The following CRAMP1 variants were observed in gnomAD, a reference collection of about 807,000 sequenced individuals.
The protein encoded by CRAMP1 is cramped chromatin regulator 1.
CRAMP1 carries 50 observed loss-of-function variants against 115.4 expected under a neutral mutation model. The ratio of observed to expected loss-of-function variants is 0.43; its 90% CI spans 0.35 to 0.55. The LOEUF is 0.55. Ranked by LOEUF, CRAMP1 falls within the 20% of genes least tolerant of loss-of-function variation. The probability of loss-of-function intolerance (pLI) is 0.01; values close to 1 mark genes in which losing one functional copy is unlikely to be tolerated. For missense variants in CRAMP1, 1,679 were observed against 1,721.7 expected (o/e 0.98, Z 0.44); for synonymous variants, 866 against 745.4 (o/e 1.16, Z -2.64).
At chr16:1,639,821 T>C (rs1596487714) in intron 5 of CRAMP1, among the ~76,000 whole-genome samples, 2 of 152,258 alleles carry the variant, frequency 1.3e-5, no homozygotes. Context: ...GTGTGGAAAG[T>C]TGGGGTTTTC....
chr16:1,647,461 C>T (rs1170910512), intron 6 of CRAMP1, among the ~76,000 whole-genome samples: 1 of 152,100 alleles, frequency 6.6e-6, no homozygotes, highest in African/African-American at 2.4e-5. Context: ...TGCTATTCAC[C>T]TAGGCGTGGT....
intron 20 of CRAMP1, among the ~76,000 whole-genome samples, chr16:1,673,668 C>T (rs765104202): frequency 3.3e-5 from 5 of 152,232 alleles, no homozygotes; most frequent in Non-Finnish European, 7.3e-5. Context: ...ATGTGCCAGG[C>T]ACATCATAGG....
chr16:1,636,106 C>G (rs1263951709), intron 4 of CRAMP1, among the ~76,000 whole-genome samples: 1 of 152,198 alleles, frequency 6.6e-6, no homozygotes, highest in South Asian at 2.1e-4. Context: ...CGTGGTGGCT[C>G]ACGCCTGTAA....
At chr16:1,643,581 G>GAGGGAAGGGCAAGAAGC (rs2036650504) in intron 6 of CRAMP1, among the ~76,000 whole-genome samples, 1 of 151,908 alleles carries the variant, frequency 6.6e-6, no homozygotes, top group African/African-American at 2.4e-5. Context: ...TGGTTCTGCC[G>GAGGGAAGGGCAAGAAGC]AGGGAAGGGC....
At chr16:1,652,602 C>T (rs759148260) in intron 7 of CRAMP1, 21 bp downstream of exon 7, 34 of 1,548,050 alleles carry the variant, frequency 2.2e-5, no homozygotes, top group African/African-American at 1.4e-4. Context: ...GGGGCGCTCC[C>T]GGGACCAGAG....
In CRAMP1 at chr16:1,660,974, A is replaced by T. The variant is rs1459361198; in HGVS notation, c.2413+911A>T. Among the ~76,000 whole-genome samples, 6 of 152,040 alleles carry T rather than the reference A, an allele frequency of 3.9e-5. No individual in the cohort carries two copies. The South Asian group carries it at 1.2e-3, about 32-fold the overall frequency. ...CAATAAGCCAAGATCGCGCCACTGC[A>T]CTCCAGCTCGGGCAACGGAGCGAGA... is the stretch of plus-strand genomic sequence containing the variant. On this transcript the variant is annotated intron_variant, in intron 11 of 20. Coordinates refer to ENST00000397412, the MANE Select transcript of CRAMP1 (RefSeq NM_020825.4).
chr16:1,651,162 G>A (rs914283510), intron 6 of CRAMP1, among the ~76,000 whole-genome samples: 2 of 151,854 alleles, frequency 1.3e-5, no homozygotes, highest in African/African-American at 4.8e-5. Flanking sequence ...ACGAAAAGGT[G>A]GACTGAGGTC....
In CRAMP1 at chr16:1,662,640, T is replaced by C. The variant is rs2036842516; in HGVS notation, c.2564T>C (p.Leu855Pro). 6.2e-7 allele frequency: 1 copy of C among 1,613,918 alleles called. No individual in the cohort carries two copies. Among genetic ancestry groups the C allele is most frequent in the Non-Finnish European group, 8.5e-7 (1 of 1,179,892 alleles). The change falls in exon 12 of 21, where the codon CTG (leucine) becomes CCG (proline). Residue 855 changes from leucine to proline, a missense_variant. Transcript: ENST00000397412. ...TTCTCTCCCAGTAAAGAAGCAGAGC[T>C]GACTTTCCGCCAGCATCTGAACTCC... The part of the protein sequence containing the change: ...KLFSPSKEAE[L>P]TFRQHLNSIS...
chr16:1,668,282 G>T, intron 18 of CRAMP1, 89 bp downstream of exon 18: 1 of 1,040,178 alleles, frequency 9.6e-7, no homozygotes, highest in Non-Finnish European at 1.5e-6. Flanking sequence ...GGATATTCCA[G>T]TTTTGTGATT....
At position 1,625,995 on chromosome 16, in the gene CRAMP1, G is replaced by A. The variant is rs983386307; in HGVS notation, c.369G>A (p.Ser123=). The A allele has an allele frequency of 2.2e-5, 34 of 1,551,492 alleles. No homozygotes were observed. Among genetic ancestry groups the A allele is most frequent in the Admixed American group, 5.9e-5 (3 of 50,994 alleles). The change falls in exon 3 of 21, where the codon TCG becomes TCA. Residue 123 remains serine (S), a synonymous_variant. Coordinates refer to ENST00000397412, the MANE Select transcript of CRAMP1 (RefSeq NM_020825.4). ...RGKGAEGGGS[S]SGNVSGVAPA... is the part of the protein sequence containing the mutation. ...AAGGAGCTGAAGGTGGTGGATCATCGTCTGGAAATGTGTCTGGGGTTGCCC... is the reference window on the plus strand; with the variant it reads ...AAGGAGCTGAAGGTGGTGGATCATCATCTGGAAATGTGTCTGGGGTTGCCC...
intron 6 of CRAMP1, 81 bp downstream of exon 6, chr16:1,641,268 C>A: frequency 9.8e-7 from 1 of 1,018,776 alleles, no homozygotes; most frequent in South Asian, 1.3e-5. Context: ...CTGAAATGCT[C>A]TCAGTGAGGA....
Position 1,614,985 on chromosome 16 carries a change from G to C in CRAMP1, c.346G>C (p.Gly116Arg). ...NAGGSGPRGK[G>R]AEGGGSSSGN... ...CGGTGGCTCGGGGCCCCGCGGAAAA[G>C]GTAGGGCGGCCCGTCCCCTTGGGAG... The change falls in exon 2 of 21, where the codon GGA becomes CGA. Residue 116 changes from glycine (G) to arginine (R), a missense_variant and splice_region_variant. This residue lies in a region of CRAMP1 where 264 missense variants were observed against 229.7 expected (regional missense o/e 1.15). Coordinates refer to ENST00000397412, the MANE Select transcript of CRAMP1 (RefSeq NM_020825.4). This position sits in a 1 kb window ranked among gnomAD's most constrained non-coding sequence, Gnocchi z 4.4. 8.0e-7 allele frequency: 1 copy of C among 1,251,482 alleles called. No individual in the cohort carries two copies. The highest frequency in any genetic ancestry group is 1.0e-6 in the Non-Finnish European group (1 of 997,162). The allele number at this position is 1,251,482 out of a possible 1,614,324, so 77.5% of individuals were successfully genotyped here. A position where few individuals can be genotyped will look rare whatever the true frequency, so the allele number is the denominator to read the frequency against.
Position 1,656,239 on chromosome 16 carries a change from C to T in CRAMP1, c.1482C>T (p.Ala494=), listed in dbSNP as rs2036772126. The T allele has an allele frequency of 4.4e-6, 7 of 1,609,182 alleles. No individual in the cohort carries two copies. Among genetic ancestry groups the T allele is most frequent in the Non-Finnish European group, 5.9e-6 (7 of 1,179,054 alleles). The change falls in exon 10 of 21, where the codon GCC becomes GCT. Residue 494 remains alanine (A), a synonymous_variant. Transcript: ENST00000397412. This position sits in a 1 kb window ranked among gnomAD's most constrained non-coding sequence, Gnocchi z 5.6. ...QSSGESSPES[A]PGEGAALSLS... is the part of the protein sequence containing the mutation. Reference sequence around the variant, plus strand: ...CCGGAGAGAGTTCCCCCGAAAGCGCCCCCGGGGAGGGGGCTGCCCTAAGCT... The same window carrying T: ...CCGGAGAGAGTTCCCCCGAAAGCGCTCCCGGGGAGGGGGCTGCCCTAAGCT...
chr16:1,623,831 A>G (rs1436966237), intron 2 of CRAMP1, among the ~76,000 whole-genome samples: 1 of 152,228 alleles, frequency 6.6e-6, no homozygotes, highest in African/African-American at 2.4e-5. Context: ...GATTAAGTCC[A>G]GGTTTGGTGA....
Position 1,641,094 on chromosome 16 carries a change from C to T in CRAMP1, c.779-45C>T, listed in dbSNP as rs867782003. The T allele has an allele frequency of 2.6e-5, 36 of 1,381,478 alleles. No homozygotes were observed. In the Middle Eastern group the frequency reaches 7.2e-4, roughly 28 times the overall value. 85.6% of individuals were successfully genotyped at this position (1,381,478 alleles called of 1,614,324 possible). A position where few individuals can be genotyped will look rare whatever the true frequency, so the allele number is the denominator to read the frequency against. On this transcript the variant is annotated intron_variant, in intron 5 of 20. Transcript: ENST00000397412. ...TATGGGAATCTTCAGTGGCTTTGCT[C>T]CTAACTACATTGTGGTCTCATTTAT... is the stretch of plus-strand genomic sequence containing the variant.
rs1361055624 is a variant in CRAMP1, at chr16:1,674,433, G to C, written c.*388G>C. 1.8e-5 allele frequency: 4 copies of C among 220,528 alleles called. No individual in the cohort carries two copies. Among genetic ancestry groups the C allele is most frequent in the Non-Finnish European group, 3.7e-5 (4 of 109,480 alleles). 13.7% of individuals were successfully genotyped at this position (220,528 alleles called of 1,614,324 possible). ...GTGTAGTTGCTGTGCACTAGGAGCT[G>C]TGATCTCCCTCTCTGCAGGGAGGCC... On this transcript the variant is annotated 3_prime_UTR_variant, in exon 21 of 21. Coordinates refer to ENST00000397412, the MANE Select transcript of CRAMP1 (RefSeq NM_020825.4).
chr16:1,626,242 C>T lies in CRAMP1; in HGVS notation c.540+76C>T. 2.3e-6 allele frequency: 3 copies of T among 1,326,852 alleles called. No individual in the cohort carries two copies. In the South Asian group the frequency reaches 4.7e-5, roughly 21 times the overall value. The allele number at this position is 1,326,852 out of a possible 1,614,324, so 82.2% of individuals were successfully genotyped here. A position where few individuals can be genotyped will look rare whatever the true frequency, so the allele number is the denominator to read the frequency against. On this transcript the variant is annotated intron_variant, in intron 3 of 20. Transcript: ENST00000397412. ...TCCCTGCCCTCCGTTCCCCGTGCTT[C>T]CTCTTTGCTGTTAGATTCTAGAACG...
In CRAMP1 at chr16:1,659,835, C is replaced by T. The variant is rs185449487; in HGVS notation, c.2236-51C>T. The T allele has an allele frequency of 2.9e-4, 447 of 1,544,198 alleles. 2 individuals are homozygous for T. Among genetic ancestry groups the T allele is most frequent in the East Asian group, 2.7e-3 (120 of 44,424 alleles). On this transcript the variant is annotated intron_variant, in intron 10 of 20. Transcript: ENST00000397412. ...CCTCCTACTCCAGGGCACGCAAGAG[C>T]CATTTCTCATGTGCTGAGTTTGGAC...
At chr16:1,630,427 C>G (rs765777816) in intron 3 of CRAMP1, among the ~76,000 whole-genome samples, 2 of 152,220 alleles carry the variant, frequency 1.3e-5, no homozygotes, top group Non-Finnish European at 2.9e-5. Context: ...GCTGGGATTA[C>G]AGGCACGAGC....
Sources: allele counts gnomAD v4.1 joint callset (sites outside exome capture counted in the v4.1 genomes callset), GRCh38; gene constraint gnomAD v4.1.1; regional missense constraint gnomAD v4.1.1; non-coding constraint Gnocchi (gnomAD v3.1); transcripts MANE v1.5; gene names NCBI Gene and HGNC (gene_info 2026-07-23, HGNC 2026-07-21).